IKBKB-DT: variants seen among roughly 807,000 people sequenced by gnomAD.
IKBKB-DT encodes the protein IKBKB divergent transcript.
At chr8:42,263,110 C>T (rs1284636781) in intron 3 of IKBKB-DT, among the ~76,000 whole-genome samples, 2 of 151,822 alleles carry the variant, frequency 1.3e-5, no homozygotes, top group African/African-American at 4.8e-5. Context: ...CTCCTGGGCT[C>T]AAGTGATGCA....
intron 3 of IKBKB-DT, among the ~76,000 whole-genome samples, chr8:42,262,116 C>T (rs1483564887): frequency 8.0e-6 from 1 of 124,852 alleles, no homozygotes; most frequent in Non-Finnish European, 1.6e-5. Context: ...ATTTCTCCTG[C>T]TAATGTGAAT....
chr8:42,262,886 A>G (rs1807310510), intron 3 of IKBKB-DT, among the ~76,000 whole-genome samples: 1 of 151,832 alleles, frequency 6.6e-6, no homozygotes, highest in Non-Finnish European at 1.5e-5. Flanking sequence ...CTACAGGCGA[A>G]CACCACCATG....
chr8:42,242,101 G>GCTA (rs1348959890), intron 3 of IKBKB-DT, among the ~76,000 whole-genome samples: 2 of 152,090 alleles, frequency 1.3e-5, no homozygotes, highest in Non-Finnish European at 2.9e-5. Flanking sequence ...TGTAATCTCA[G>GCTA]CTACTCAGGA....
intron 3 of IKBKB-DT, among the ~76,000 whole-genome samples, chr8:42,252,349 GT>G (rs1432082959): frequency 6.6e-6 from 1 of 152,154 alleles, no homozygotes; most frequent in Non-Finnish European, 1.5e-5. Flanking sequence ...CTCTCTCTCT[GT>G]AGGAGAGACA....
chr8:42,258,714 C>T (rs1156937337), intron 3 of IKBKB-DT, among the ~76,000 whole-genome samples: 2 of 152,020 alleles, frequency 1.3e-5, no homozygotes, highest in South Asian at 2.1e-4. Flanking sequence ...GTGATCCGCC[C>T]GCCTCGGCCT....
chr8:42,241,222 A>ATATTT (rs1563274607), intron 3 of IKBKB-DT, among the ~76,000 whole-genome samples: 1 of 66,604 alleles, frequency 1.5e-5, no homozygotes, highest in Non-Finnish European at 3.2e-5. Flanking sequence ...ATATGTTGGA[A>ATATTT]TCTTTTTTTT....
intron 3 of IKBKB-DT, among the ~76,000 whole-genome samples, chr8:42,254,342 G>A (rs1807166296): frequency 6.6e-6 from 1 of 152,224 alleles, no homozygotes; most frequent in African/African-American, 2.4e-5. Flanking sequence ...CTGATTAAGT[G>A]CAACAAGAGT....
intron 3 of IKBKB-DT, among the ~76,000 whole-genome samples, chr8:42,243,102 G>T: frequency 6.6e-6 from 1 of 152,170 alleles, no homozygotes; most frequent in East Asian, 1.9e-4. Flanking sequence ...GGTTGGGGGT[G>T]GTCCTCGTGC....
chr8:42,259,278 G>A lies in IKBKB-DT; in HGVS notation n.1529+4051C>T, dbSNP rs144985307. On this transcript the variant is annotated intron_variant and non_coding_transcript_variant, in intron 3 of 3. Transcript: ENST00000518213. Reference sequence around the variant, plus strand: ...GACCTCAGGTGATCTGCTCCCCTTGGCCTCCCAAAGTGCTGGGATTACAGG... The same window carrying A: ...GACCTCAGGTGATCTGCTCCCCTTGACCTCCCAAAGTGCTGGGATTACAGG... Among the ~76,000 whole-genome samples, 179 of 152,206 alleles carry A rather than the reference G, an allele frequency of 1.2e-3. 1 individual carries two copies. The highest frequency in any genetic ancestry group is 2.8e-3 in the Admixed American group (43 of 15,282).
At chr8:42,234,787 G>A (rs117514214) in intron 3 of IKBKB-DT, among the ~76,000 whole-genome samples, 4,348 of 152,050 alleles carry the variant, frequency 0.029, 94 homozygotes, top group Non-Finnish European at 0.045. Flanking sequence ...CCACCATCAC[G>A]CCTGACTAAT....
intron 3 of IKBKB-DT, among the ~76,000 whole-genome samples, chr8:42,237,465 C>T (rs775911495): frequency 6.6e-6 from 1 of 152,154 alleles, no homozygotes; most frequent in Non-Finnish European, 1.5e-5. Context: ...TATAATGGGG[C>T]ATATCTGACC....
At position 42,237,497 on chromosome 8, in the gene IKBKB-DT, A is replaced by G. The variant is rs555141745; in HGVS notation, n.1530-3638T>C. On this transcript the variant is annotated intron_variant and non_coding_transcript_variant, in intron 3 of 3. Coordinates refer to ENST00000518213, the Ensembl canonical transcript of IKBKB-DT. ...GACCTCCTTTCCCGTAATGCCTGGG[A>G]ATTCAGTTTTTAAGGTGTTTCTAGG... is the stretch of plus-strand genomic sequence containing the variant. Among the ~76,000 whole-genome samples the G allele has an allele frequency of 5.9e-5, 9 of 152,160 alleles. 1 individual carries two copies. The highest frequency in any genetic ancestry group is 5.9e-4 in the Admixed American group (9 of 15,286).
chr8:42,245,007 T>C (rs1428363844), intron 3 of IKBKB-DT, among the ~76,000 whole-genome samples: 1 of 152,022 alleles, frequency 6.6e-6, no homozygotes, highest in Admixed American at 6.6e-5. Context: ...CCCAGCACTT[T>C]GGGAGGCCAA....
At chr8:42,237,912 C>T (rs1806945436) in intron 3 of IKBKB-DT, among the ~76,000 whole-genome samples, 2 of 150,720 alleles carry the variant, frequency 1.3e-5, no homozygotes. Flanking sequence ...ATAGTCCCAG[C>T]TACTCCAGAG....
At chr8:42,265,142 C>T (rs1406105577) in intron 2 of IKBKB-DT, among the ~76,000 whole-genome samples, 9 of 152,120 alleles carry the variant, frequency 5.9e-5, no homozygotes, top group African/African-American at 1.9e-4. Flanking sequence ...GGATTACAGG[C>T]GTGAGCCATC....
intron 3 of IKBKB-DT, among the ~76,000 whole-genome samples, chr8:42,237,961 G>A (rs1293322192): frequency 1.4e-5 from 2 of 140,930 alleles, no homozygotes; most frequent in African/African-American, 5.2e-5. Flanking sequence ...GGAGGTCAAG[G>A]TTGCAGTTAG....
At chr8:42,238,524 T>C (rs1362221049) in intron 3 of IKBKB-DT, among the ~76,000 whole-genome samples, 4 of 152,216 alleles carry the variant, frequency 2.6e-5, no homozygotes, top group Non-Finnish European at 2.9e-5. Flanking sequence ...TTTGCTAAGA[T>C]GCAGGTGTAG....
At chr8:42,265,817 C>T (rs936723768) in exon 2 of IKBKB-DT, 2 of 152,210 alleles carry the variant, frequency 1.3e-5, no homozygotes, top group African/African-American at 4.8e-5. Flanking sequence ...ACTCAGAGCC[C>T]CAAATCCTTG....
At chr8:42,252,512 C>T (rs1456218187) in intron 3 of IKBKB-DT, among the ~76,000 whole-genome samples, 7 of 152,154 alleles carry the variant, frequency 4.6e-5, no homozygotes, top group Non-Finnish European at 8.8e-5. Flanking sequence ...ACTACCGGTG[C>T]GTGCCACCAC....
Sources: allele counts gnomAD v4.1 joint callset (sites outside exome capture counted in the v4.1 genomes callset), GRCh38; gene constraint gnomAD v4.1.1; transcripts MANE v1.5; gene names NCBI Gene and HGNC (gene_info 2026-07-23, HGNC 2026-07-21).